Variants in WWOX observed in about 807,000 individuals in gnomAD.
WWOX encodes WW domain-containing oxidoreductase.
In WWOX, 69 loss-of-function variants were observed where a neutral mutation model predicts 46.2. That is an observed-to-expected ratio of 1.49 (90% CI 1.23 to 1.82). The LOEUF is 1.82. Ranked by LOEUF, WWOX falls within the 40% of genes most tolerant of loss-of-function variation. The pLI is 0.00. For synonymous variants in WWOX, 359 were observed against 202.6 expected, an observed-to-expected ratio of 1.77 and a Z score of -6.56; for missense variants, 919 against 542.6, an observed-to-expected ratio of 1.69 and a Z score of -6.89.
intron 5 of WWOX, among the ~76,000 whole-genome samples, chr16:78,286,561 G>A (rs1039097807): frequency 6.6e-6 from 1 of 152,126 alleles, no homozygotes; most frequent in Non-Finnish European, 1.5e-5. Context: ...AGGAAAATGT[G>A]ATCGTTGGAT....
intron 8 of WWOX, among the ~76,000 whole-genome samples, chr16:78,793,084 AT>A (rs1366885359): frequency 6.6e-6 from 1 of 151,950 alleles, no homozygotes; most frequent in Admixed American, 6.6e-5. Flanking sequence ...TATCTAATCT[AT>A]TTTTTGAGAA....
chr16:78,523,615 C>T (rs899693850), intron 8 of WWOX, among the ~76,000 whole-genome samples: 2 of 152,208 alleles, frequency 1.3e-5, no homozygotes, highest in Non-Finnish European at 2.9e-5. Context: ...ATTTATTTTT[C>T]TCCACCTTGG....
At chr16:78,387,319 G>C (rs1394510177) in intron 6 of WWOX, among the ~76,000 whole-genome samples, 2 of 152,174 alleles carry the variant, frequency 1.3e-5, no homozygotes, top group Non-Finnish European at 1.5e-5. Context: ...AGTAAACTCA[G>C]TTATCCAGTA....
intron 8 of WWOX, among the ~76,000 whole-genome samples, chr16:79,057,129 G>A (rs1473891846): frequency 6.6e-5 from 10 of 152,172 alleles, no homozygotes; most frequent in Non-Finnish European, 1.0e-4. Flanking sequence ...GAGTGCTAGC[G>A]CAGGTTCTCT....
intron 8 of WWOX, among the ~76,000 whole-genome samples, chr16:78,867,525 T>C (rs2044031604): frequency 1.3e-5 from 2 of 151,146 alleles, no homozygotes; most frequent in Admixed American, 1.3e-4. Context: ...TGTGTGTGTT[T>C]TGTTTTTTTG....
At chr16:78,920,210 A>G (rs987329751) in intron 8 of WWOX, among the ~76,000 whole-genome samples, 3 of 152,202 alleles carry the variant, frequency 2.0e-5, no homozygotes, top group Admixed American at 2.0e-4. Flanking sequence ...TCCAGGGGAA[A>G]GAGAAAAGAC....
chr16:78,703,866 A>G lies in WWOX; in HGVS notation c.1056+271114A>G, dbSNP rs143988951. On this transcript the variant is annotated intron_variant, in intron 8 of 8. Transcript: ENST00000566780. ...GTATGACAGAACATTTTTCTGAACT[A>G]TGACTCTGATCTTCTCAATCTCTCA... is the stretch of plus-strand genomic sequence containing the variant. Among the ~76,000 whole-genome samples the G allele has an allele frequency of 3.3e-3, 504 of 152,208 alleles. 3 individuals carry two copies. The highest frequency in any genetic ancestry group is 0.012 in the African/African-American group (478 of 41,518).
chr16:78,329,602 C>T (rs8048762), intron 5 of WWOX, among the ~76,000 whole-genome samples: 49,386 of 152,028 alleles, frequency 0.32, 9,326 homozygotes, highest in East Asian at 0.61. Context: ...CCAGTGCAAC[C>T]TATGTAAAAT....
At chr16:78,321,823 CGACGCT>C (rs1191476924) in intron 5 of WWOX, among the ~76,000 whole-genome samples, 1 of 152,058 alleles carries the variant, frequency 6.6e-6, no homozygotes, top group Non-Finnish European at 1.5e-5. Context: ...CTCTAAAGAG[CGACGCT>C]TGGAGGCTGG....
At chr16:78,726,116 CCTCCCTCT>C (rs1287409102) in intron 8 of WWOX, among the ~76,000 whole-genome samples, 2 of 111,976 alleles carry the variant, frequency 1.8e-5, no homozygotes, top group Non-Finnish European at 3.8e-5. Context: ...TCCCTCTCTG[CCTCCCTCT>C]CTCCCTCTCT....
chr16:78,928,523 T>G (rs535791657), intron 8 of WWOX, among the ~76,000 whole-genome samples: 1 of 152,196 alleles, frequency 6.6e-6, no homozygotes, highest in Non-Finnish European at 1.5e-5. Flanking sequence ...GTTGTGAATA[T>G]TTTTTCCCCT....
At position 78,259,295 on chromosome 16, in the gene WWOX, A is replaced by G. The variant is rs1266737459; in HGVS notation, c.516+95006A>G. Among the ~76,000 whole-genome samples, 5 of 152,180 alleles carry G rather than the reference A, an allele frequency of 3.3e-5. No individual in the cohort carries two copies. In the East Asian group the frequency reaches 5.8e-4, roughly 18 times the overall value. On this transcript the variant is annotated intron_variant, in intron 5 of 8. Coordinates refer to ENST00000566780, the MANE Select transcript of WWOX (RefSeq NM_016373.4). ...TAAAGTTATTAGCAGAGAAGACACA[A>G]TTTAGAAGAGAGACTGTATTCCATT...
intron 5 of WWOX, among the ~76,000 whole-genome samples, chr16:78,332,598 G>C (rs2080786574): frequency 6.6e-6 from 1 of 152,122 alleles, no homozygotes; most frequent in African/African-American, 2.4e-5. Context: ...CAATTAAGCG[G>C]GCAGGTAAAC....
chr16:78,955,600 A>AT (rs934375334), intron 8 of WWOX, among the ~76,000 whole-genome samples: 1 of 151,606 alleles, frequency 6.6e-6, no homozygotes, highest in Non-Finnish European at 1.5e-5. Context: ...TTTTAACTTT[A>AT]TTTTTTATAT....
At chr16:78,124,381 G>C (rs1053500132) in intron 4 of WWOX, 2 of 152,172 alleles carry the variant, frequency 1.3e-5, no homozygotes, top group Non-Finnish European at 2.9e-5. Flanking sequence ...ATAAGATGCT[G>C]ACAGTTGAAA....
chr16:78,437,022 G>C (rs1204803366), intron 8 of WWOX, among the ~76,000 whole-genome samples: 2 of 152,342 alleles, frequency 1.3e-5, no homozygotes, highest in African/African-American at 2.4e-5. Context: ...CAGATGGCTA[G>C]TGTGCTCTGC....
intron 8 of WWOX, among the ~76,000 whole-genome samples, chr16:79,186,435 G>C (rs1242101157): frequency 4.6e-5 from 7 of 152,162 alleles, no homozygotes; most frequent in Admixed American, 4.6e-4. Flanking sequence ...TCTGACCTCT[G>C]CGTCTGTCCT....
intron 5 of WWOX, among the ~76,000 whole-genome samples, chr16:78,173,659 T>C (rs1356826919): frequency 6.6e-6 from 1 of 152,158 alleles, no homozygotes; most frequent in African/African-American, 2.4e-5. Context: ...TCTCAGATTC[T>C]GGCACATAGT....
intron 5 of WWOX, among the ~76,000 whole-genome samples, chr16:78,364,775 T>A (rs2081495968): frequency 6.6e-6 from 1 of 152,220 alleles, no homozygotes; most frequent in Non-Finnish European, 1.5e-5. Context: ...TGTCTGCACT[T>A]CCAGGGAACA....
Sources: allele counts gnomAD v4.1 joint callset (sites outside exome capture counted in the v4.1 genomes callset), GRCh38; gene constraint gnomAD v4.1.1; transcripts MANE v1.5; gene names NCBI Gene and HGNC (gene_info 2026-07-23, HGNC 2026-07-21).